The following AMN1 variants were observed in gnomAD, a reference collection of about 807,000 sequenced individuals.
AMN1 encodes antagonist of mitotic exit network 1 homolog.
In AMN1, 20 loss-of-function variants were observed where a neutral mutation model predicts 33.0. The ratio of observed to expected loss-of-function variants is 0.61; its 90% CI spans 0.43 to 0.88. The LOEUF (loss-of-function observed/expected upper bound fraction) is 0.88. AMN1 is among the 40% of genes least tolerant of loss of function. The pLI is 0.00. For synonymous variants in AMN1, 114 were observed against 111.9 expected (o/e 1.02, Z -0.12); for missense variants, 246 against 307.4 (o/e 0.80, Z 1.49).
intron 1 of AMN1, among the ~76,000 whole-genome samples, chr12:31,723,705 G>A (rs1939959706): frequency 6.6e-6 from 1 of 152,186 alleles, no homozygotes; most frequent in African/African-American, 2.4e-5. Flanking sequence ...TTCTTTATGT[G>A]TTGTCTGTGG....
intron 6 of AMN1, chr12:31,673,457 A>G (rs1447833089): frequency 5.5e-6 from 1 of 181,886 alleles, no homozygotes; most frequent in South Asian, 9.1e-5. Context: ...AGTTTTATTC[A>G]TGGTCATAAA....
intron 6 of AMN1, among the ~76,000 whole-genome samples, chr12:31,679,903 T>A (rs1211504621): frequency 1.3e-5 from 2 of 151,982 alleles, no homozygotes; most frequent in Non-Finnish European, 2.9e-5. Flanking sequence ...GGTGGGCAGA[T>A]CACCTGAGGT....
chr12:31,680,461 C>CA (rs1937957609), intron 6 of AMN1, among the ~76,000 whole-genome samples: 1 of 152,174 alleles, frequency 6.6e-6, no homozygotes, highest in African/African-American at 2.4e-5. Flanking sequence ...TCGGCCCCCC[C>CA]ACAGGGCTGG....
At chr12:31,704,933 C>G (rs1340377657) in intron 2 of AMN1, among the ~76,000 whole-genome samples, 1 of 152,038 alleles carries the variant, frequency 6.6e-6, no homozygotes, top group East Asian at 1.9e-4. Flanking sequence ...TGAAGAAAAC[C>G]ACCATTTTTC....
intron 2 of AMN1, 47 bp from the exon 3 acceptor site, chr12:31,702,054 A>T: frequency 6.9e-7 from 1 of 1,457,434 alleles, no homozygotes; most frequent in African/African-American, 1.4e-5. Context: ...TTCTATAAAT[A>T]CAAATATTTA....
chr12:31,700,747 T>A lies in AMN1; in HGVS notation c.316+1116A>T, dbSNP rs1367257251. Among the ~76,000 whole-genome samples the A allele has an allele frequency of 2.0e-5, 3 of 152,156 alleles. No individual in the cohort carries two copies. In the East Asian group the frequency reaches 5.8e-4, roughly 29 times the overall value. ...CTCTGTTGCTCAGGCTGGAGTGCAGTGGCGCAATCTCGGCTCACTGCAACC... is the reference window on the plus strand; with the variant it reads ...CTCTGTTGCTCAGGCTGGAGTGCAGAGGCGCAATCTCGGCTCACTGCAACC... On this transcript the variant is annotated intron_variant, in intron 3 of 6. Coordinates refer to ENST00000281471, the MANE Select transcript of AMN1 (RefSeq NM_001113402.2).
chr12:31,726,463 A>G (rs1489766628), intron 1 of AMN1, among the ~76,000 whole-genome samples: 2 of 152,196 alleles, frequency 1.3e-5, no homozygotes, highest in Admixed American at 6.5e-5. Context: ...CCCCAACTAA[A>G]AGAGTAATTT....
chr12:31,709,914 C>A (rs16918859), intron 1 of AMN1, among the ~76,000 whole-genome samples: 9 of 152,148 alleles, frequency 5.9e-5, no homozygotes, highest in African/African-American at 2.2e-4. Flanking sequence ...TGTTAAATTA[C>A]GGACAAGATG....
rs566839218 is a variant in AMN1 at position 31,691,402 on chromosome 12, C to CA, written c.592-2285dup. Among the ~76,000 whole-genome samples the CA allele has an allele frequency of 7.7e-4, 117 of 151,528 alleles. 2 individuals are homozygous for CA. The East Asian group carries it at 0.012, about 16-fold the overall frequency. The stretch of plus-strand genomic sequence containing the variant: ...GGGATCAACTACAAAGGACCAGAGA[C>CA]AAAAAAACAAAATAAAACCACAGAG... On this transcript the variant is annotated intron_variant, in intron 5 of 6. Coordinates refer to ENST00000281471, the MANE Select transcript of AMN1 (RefSeq NM_001113402.2).
intron 3 of AMN1, among the ~76,000 whole-genome samples, chr12:31,698,851 C>T: frequency 6.6e-6 from 1 of 151,966 alleles, no homozygotes; most frequent in East Asian, 1.9e-4. Context: ...ACACAGAGCT[C>T]CGAAAAGCCT....
In AMN1 at chr12:31,687,512, G is replaced by C. The variant is rs956386788; in HGVS notation, c.703+1495C>G. Among the ~76,000 whole-genome samples, 1 of 151,792 alleles carries C rather than the reference G, an allele frequency of 6.6e-6. No homozygotes were observed. Among genetic ancestry groups the C allele is most frequent in the Non-Finnish European group, 1.5e-5 (1 of 67,944 alleles). On this transcript the variant is annotated intron_variant, in intron 6 of 6. Coordinates refer to ENST00000281471, the MANE Select transcript of AMN1 (RefSeq NM_001113402.2). The surrounding 1 kb of genome is among the most constrained non-coding windows in gnomAD (Gnocchi z 4.1). ...GGCCTGACCAGTATGGTGATACCCC[G>C]TCTCTACTAAAAATACAAAAATTAG...
intron 3 of AMN1, among the ~76,000 whole-genome samples, chr12:31,699,422 G>GAAAGA (rs1172376441): frequency 3.0e-5 from 2 of 67,288 alleles, no homozygotes; most frequent in African/African-American, 1.0e-4. Flanking sequence ...AAAAAAAAAA[G>GAAAGA]AAAGAAAAGA....
rs1169036368 is a variant in AMN1 at position 31,726,224 on chromosome 12, C to T, written c.38+2747G>A. On this transcript the variant is annotated intron_variant, in intron 1 of 6. Transcript: ENST00000281471. ...TTGCCCAAACTGGAGTGCAATGGTG[C>T]AAGCTCGGCTCACCGCAACCTCTGC... 3.4e-5 allele frequency among the ~76,000 whole-genome samples: 5 copies of T among 148,990 alleles called. No homozygotes were observed. The Admixed American group carries it at 3.4e-4, about 10-fold the overall frequency.
At position 31,687,797 on chromosome 12, in the gene AMN1, C is replaced by T. The variant is rs1336454769; in HGVS notation, c.703+1210G>A. ...TACAAGTTAGATCCAGTTTATATTA[C>T]GGTGTGGACCTATTATAGGGGTAAT... On this transcript the variant is annotated intron_variant, in intron 6 of 6. Transcript: ENST00000281471. This position sits in a 1 kb window ranked among gnomAD's most constrained non-coding sequence, Gnocchi z 4.1. Among the ~76,000 whole-genome samples, 4 of 151,928 alleles carry T rather than the reference C, an allele frequency of 2.6e-5. No individual in the cohort carries two copies. The highest frequency in any genetic ancestry group is 4.4e-5 in the Non-Finnish European group (3 of 68,002).
At chr12:31,674,980 C>T (rs1289609096) in intron 6 of AMN1, among the ~76,000 whole-genome samples, 2 of 151,354 alleles carry the variant, frequency 1.3e-5, no homozygotes, top group African/African-American at 4.9e-5. Flanking sequence ...TGAGATGGTG[C>T]CACTGTACTC....
intron 1 of AMN1, among the ~76,000 whole-genome samples, chr12:31,720,536 G>A (rs1939843571): frequency 7.0e-6 from 1 of 142,808 alleles, no homozygotes; most frequent in Non-Finnish European, 1.5e-5. Flanking sequence ...GTGAAACTCT[G>A]TCTCAAAAAA....
At chr12:31,698,658 C>A (rs1457367799) in intron 3 of AMN1, among the ~76,000 whole-genome samples, 1 of 152,108 alleles carries the variant, frequency 6.6e-6, no homozygotes, top group Non-Finnish European at 1.5e-5. Flanking sequence ...TAAAAGATAC[C>A]TTTATGGGCA....
At chr12:31,713,113 G>T (rs568878040) in intron 1 of AMN1, among the ~76,000 whole-genome samples, 1 of 152,132 alleles carries the variant, frequency 6.6e-6, no homozygotes, top group Admixed American at 6.5e-5. Flanking sequence ...TTTGTTATTT[G>T]TTGACAAATT....
At chr12:31,691,662 T>C (rs1232670773) in intron 5 of AMN1, among the ~76,000 whole-genome samples, 3 of 152,104 alleles carry the variant, frequency 2.0e-5, no homozygotes, top group African/African-American at 7.2e-5. Context: ...TTTGAAAGCA[T>C]ATAAAACAAG....
Sources: allele counts gnomAD v4.1 joint callset (sites outside exome capture counted in the v4.1 genomes callset), GRCh38; gene constraint gnomAD v4.1.1; non-coding constraint Gnocchi (gnomAD v3.1); transcripts MANE v1.5; gene names NCBI Gene and HGNC (gene_info 2026-07-23, HGNC 2026-07-21).